Variants in ESF1 observed in about 807,000 individuals in gnomAD.
The protein encoded by ESF1 is ESF1 nucleolar pre-rRNA processing protein.
Under a neutral mutation model 92.0 loss-of-function variants are expected in ESF1, and 58 were observed. The observed-to-expected ratio is 0.63, with a 90% CI of 0.51 to 0.78. The LOEUF (loss-of-function observed/expected upper bound fraction) is 0.78, where lower values mean the gene tolerates loss of function less well. Ranked by LOEUF, ESF1 falls within the 30% of genes least tolerant of loss-of-function variation. The pLI is 0.00. For missense variants in ESF1, 922 were observed against 989.1 expected (o/e 0.93, Z 0.91); for synonymous variants, 321 against 313.7 (o/e 1.02, Z -0.24).
rs774844000 is a variant in ESF1 at position 13,775,210 on chromosome 20, G to A, written c.1096C>T (p.Leu366=). ...GGTTTAAATGAATTGAACAGAGCCA[G>A]CAAATCTTTTGCCTTTAATCTATCC... ...DWDRLKAKDL[L]ALFNSFKPKG... is the part of the protein sequence containing the mutation. The change falls in exon 4 of 14, where the codon CTG becomes TTG. Residue 366 remains leucine, a synonymous_variant. Transcript: ENST00000617257. 1.4e-5 allele frequency: 23 copies of A among 1,610,918 alleles called. No individual in the cohort carries two copies. Among genetic ancestry groups the A allele is most frequent in the Non-Finnish European group, 1.9e-5 (22 of 1,179,128 alleles).
intron 8 of ESF1, among the ~76,000 whole-genome samples, chr20:13,765,595 G>T (rs746099178): frequency 1.8e-4 from 27 of 152,110 alleles, no homozygotes; most frequent in Non-Finnish European, 3.5e-4. Flanking sequence ...AAAAAAAAGA[G>T]GGAATTTCAA....
intron 9 of ESF1, among the ~76,000 whole-genome samples, chr20:13,754,287 C>T (rs1457079999): frequency 1.3e-5 from 2 of 152,258 alleles, no homozygotes; most frequent in African/African-American, 4.8e-5. Flanking sequence ...CTGAATACCC[C>T]GCAATTCTGA....
intron 9 of ESF1, 57 bp downstream of exon 9, chr20:13,759,635 A>T: frequency 6.5e-7 from 1 of 1,543,180 alleles, no homozygotes. Context: ...CATATTTAAA[A>T]GGTACTCAAC....
chr20:13,751,729 C>A (rs1429334188), intron 9 of ESF1, among the ~76,000 whole-genome samples: 1 of 152,160 alleles, frequency 6.6e-6, no homozygotes, highest in African/African-American at 2.4e-5. Context: ...ATCGGCTGGG[C>A]GTGGTGGCTC....
At position 13,758,504 on chromosome 20, in the gene ESF1, T is replaced by C. The variant is rs560187774; in HGVS notation, c.1828+1188A>G. Among the ~76,000 whole-genome samples the C allele has an allele frequency of 1.6e-4, 25 of 152,332 alleles. No individual in the cohort carries two copies. The South Asian group carries it at 5.0e-3, about 30-fold the overall frequency. On this transcript the variant is annotated intron_variant, in intron 9 of 13. Coordinates refer to ENST00000617257, the MANE Select transcript of ESF1 (RefSeq NM_001276380.2). ...GTCCATCCTAGCAAATTTACTACAA[T>C]AGCCAGTCAATCCTCAAATATCAAA...
intron 8 of ESF1, 140 bp from the exon 9 acceptor site, chr20:13,759,993 G>A: frequency 7.5e-7 from 1 of 1,327,978 alleles, no homozygotes; most frequent in Non-Finnish European, 9.8e-7. Context: ...AATATTAAAT[G>A]AAAGACTTAG....
chr20:13,766,856 T>C lies in ESF1; in HGVS notation c.1587A>G (p.Glu529=). The C allele has an allele frequency of 6.2e-7, 1 of 1,613,942 alleles. No homozygotes were observed. The highest frequency in any genetic ancestry group is 8.5e-7 in the Non-Finnish European group (1 of 1,179,938). Residue 529 remains glutamate, a synonymous_variant, in exon 8 of 14, where the codon GAA becomes GAG. Coordinates refer to ENST00000617257, the MANE Select transcript of ESF1 (RefSeq NM_001276380.2). ...CTTGAAAATCCATGTCCAAAAGCTC[T>C]TCCTTTTTAAACTTCCTGTTGAGCA... ...ITMLNRKFKK[E]ELLDMDFQAY...
intron 2 of ESF1, among the ~76,000 whole-genome samples, chr20:13,780,517 C>T (rs1406174607): frequency 6.6e-6 from 1 of 152,174 alleles, no homozygotes; most frequent in African/African-American, 2.4e-5. Context: ...TGGGATACCA[C>T]CACTGACTCC....
At chr20:13,779,467 A>G (rs577411760) in intron 2 of ESF1, among the ~76,000 whole-genome samples, 1 of 152,332 alleles carries the variant, frequency 6.6e-6, no homozygotes, top group East Asian at 1.9e-4. Context: ...ACCTATTTTT[A>G]AAACTTCATA....
chr20:13,757,564 A>G (rs1165603755), intron 9 of ESF1, among the ~76,000 whole-genome samples: 1 of 152,030 alleles, frequency 6.6e-6, no homozygotes, highest in African/African-American at 2.4e-5. Flanking sequence ...ATGCCCAGCT[A>G]ATTTTTGTAT....
Position 13,718,990 on chromosome 20 carries a change from A to G in ESF1, c.2039-6T>C. ...TACCGATTTTTTATTTATACCTGGC[A>G]CAACAAACCAACATAAGAGTGGTAA... is the stretch of plus-strand genomic sequence containing the variant. On this transcript the variant is annotated splice_region_variant and splice_polypyrimidine_tract_variant and intron_variant, in intron 11 of 13. Coordinates refer to ENST00000617257, the MANE Select transcript of ESF1 (RefSeq NM_001276380.2). 1.3e-6 allele frequency: 2 copies of G among 1,596,320 alleles called. No homozygotes were observed. The highest frequency in any genetic ancestry group is 2.3e-5 in the East Asian group (1 of 43,984).
chr20:13,770,054 T>C, intron 6 of ESF1, 33 bp from the exon 7 acceptor site: 1 of 1,263,380 alleles, frequency 7.9e-7, no homozygotes. Flanking sequence ...TTATTTAAAA[T>C]ACGCTGCAGT....
chr20:13,767,585 G>A (rs950753504), intron 7 of ESF1, among the ~76,000 whole-genome samples: 1 of 151,290 alleles, frequency 6.6e-6, no homozygotes, highest in African/African-American at 2.4e-5. Context: ...TTTTTCACCT[G>A]GAGTTCTAAG....
intron 2 of ESF1, 40 bp from the exon 3 acceptor site, chr20:13,776,310 T>C (rs771983949): frequency 1.2e-5 from 19 of 1,540,238 alleles, no homozygotes; most frequent in East Asian, 4.5e-5. Context: ...AGAAAAGATA[T>C]ATGCTGAATT....
intron 11 of ESF1, among the ~76,000 whole-genome samples, chr20:13,726,681 TATC>T (rs1253433470): frequency 1.4e-4 from 22 of 152,222 alleles, no homozygotes; most frequent in Non-Finnish European, 2.6e-4. Flanking sequence ...CTGTTTGTAT[TATC>T]ACTACTGTAT....
At chr20:13,744,465 T>C (rs1196699174) in intron 9 of ESF1, among the ~76,000 whole-genome samples, 1 of 152,222 alleles carries the variant, frequency 6.6e-6, no homozygotes, top group Admixed American at 6.5e-5. Context: ...TGAAGTCAGG[T>C]GACATCATCT....
At chr20:13,759,221 T>C (rs985905713) in intron 9 of ESF1, among the ~76,000 whole-genome samples, 6 of 152,226 alleles carry the variant, frequency 3.9e-5, no homozygotes, top group Admixed American at 1.3e-4. Context: ...ATTAGTTTTG[T>C]ACTAGTACTA....
intron 9 of ESF1, among the ~76,000 whole-genome samples, chr20:13,743,787 G>T (rs577661808): frequency 3.0e-4 from 46 of 152,274 alleles, no homozygotes; most frequent in Non-Finnish European, 6.3e-4. Context: ...TAAGTTCTGG[G>T]ATCTAGCGTA....
intron 2 of ESF1, among the ~76,000 whole-genome samples, chr20:13,780,056 G>A (rs540002988): frequency 1.3e-5 from 2 of 152,148 alleles, no homozygotes; most frequent in East Asian, 3.8e-4. Flanking sequence ...ATAATGAACA[G>A]AAGATTATAT....
Sources: allele counts gnomAD v4.1 joint callset (sites outside exome capture counted in the v4.1 genomes callset), GRCh38; gene constraint gnomAD v4.1.1; transcripts MANE v1.5; gene names NCBI Gene and HGNC (gene_info 2026-07-23, HGNC 2026-07-21).